The following NR1I2 variants were observed in gnomAD, a reference collection of about 807,000 sequenced individuals.
NR1I2 encodes orphan nuclear receptor PAR1.
Under a neutral mutation model 43.3 loss-of-function variants are expected in NR1I2, and 42 were observed. The observed-to-expected ratio is 0.97, with a 90% CI of 0.76 to 1.26. The LOEUF is 1.26. Ranked by LOEUF, NR1I2 falls within the 50% of genes most tolerant of loss-of-function variation. The pLI, the probability that NR1I2 is intolerant of heterozygous loss-of-function variation, is 0.00. For missense variants in NR1I2, 559 were observed against 566.7 expected, an observed-to-expected ratio of 0.99 and a Z score of 0.14; for synonymous variants, 229 against 215.0, an observed-to-expected ratio of 1.06 and a Z score of -0.57.
chr3:119,813,331 C>T (rs2055271494), intron 5 of NR1I2, among the ~76,000 whole-genome samples: 1 of 151,966 alleles, frequency 6.6e-6, no homozygotes, highest in Non-Finnish European at 1.5e-5. Flanking sequence ...GTTGACAGTT[C>T]CAGAGCAAGG....
intron 5 of NR1I2, 33 bp from the exon 6 acceptor site, chr3:119,814,946 G>A: frequency 1.9e-6 from 3 of 1,613,688 alleles, no homozygotes; most frequent in Non-Finnish European, 2.5e-6. Context: ...GCCTCCCAGG[G>A]AGCTGTCCTC....
Position 119,807,568 on chromosome 3 carries a change from C to T in NR1I2, c.197+121C>T, listed in dbSNP as rs1019350764. ...GTGGGCTGGTGGCCCACCCAAAGGCCTTGTAATTAGTCTCAAGGGAGCCAT... is the reference window on the plus strand; with the variant it reads ...GTGGGCTGGTGGCCCACCCAAAGGCTTTGTAATTAGTCTCAAGGGAGCCAT... On this transcript the variant is annotated intron_variant, in intron 2 of 8. Transcript: ENST00000393716. The T allele has an allele frequency of 1.0e-5, 8 of 802,542 alleles. No homozygotes were observed. The African/African-American group carries it at 1.4e-4, about 14-fold the overall frequency. 49.7% of individuals were successfully genotyped at this position (802,542 alleles called of 1,614,324 possible). A position where few individuals can be genotyped will look rare whatever the true frequency, so the allele number is the denominator to read the frequency against.
intron 1 of NR1I2, among the ~76,000 whole-genome samples, chr3:119,797,190 G>GTGTGTGTGTA (rs2055013170): frequency 6.7e-6 from 1 of 149,434 alleles, no homozygotes; most frequent in Non-Finnish European, 1.5e-5. Context: ...AAAGATATGT[G>GTGTGTGTGTA]TGTGTGTGTG....
At position 119,785,438 on chromosome 3, in the gene NR1I2, C is replaced by T. The variant is rs188806002; in HGVS notation, c.-23+3138C>T. Among the ~76,000 whole-genome samples, 8 of 152,316 alleles carry T rather than the reference C, an allele frequency of 5.3e-5. No homozygotes were observed. The East Asian group carries it at 1.5e-3, about 29-fold the overall frequency. ...ATCCTGACCCAAACTTACTTGATTG[C>T]AGGCCTGTTGTTAAGAATTTCAAAG... On this transcript the variant is annotated intron_variant, in intron 1 of 8. Transcript: ENST00000393716.
chr3:119,799,187 T>C (rs985276578), intron 1 of NR1I2, among the ~76,000 whole-genome samples: 2 of 152,242 alleles, frequency 1.3e-5, no homozygotes, highest in Admixed American at 6.5e-5. Context: ...TTTCTCCACA[T>C]TATTGCCGAT....
intron 1 of NR1I2, chr3:119,792,612 A>C: frequency 1.6e-6 from 1 of 619,930 alleles, no homozygotes; most frequent in African/African-American, 1.8e-5. Context: ...GTGATTCTTA[A>C]CACTGCCTTC....
chr3:119,811,446 C>A (rs1187179644), intron 3 of NR1I2, 93 bp from the exon 4 acceptor site: 20 of 1,276,706 alleles, frequency 1.6e-5, no homozygotes, highest in Non-Finnish European at 2.0e-5. Context: ...CTAACGGCTT[C>A]TGCTGCCTTG....
chr3:119,804,218 CA>C (rs1255375140), intron 1 of NR1I2, among the ~76,000 whole-genome samples: 7 of 149,682 alleles, frequency 4.7e-5, no homozygotes, highest in African/African-American at 1.7e-4. Flanking sequence ...AAAAAAAATA[CA>C]AAAAAATTAG....
At chr3:119,792,226 C>T in intron 1 of NR1I2, 3 of 1,529,670 alleles carry the variant, frequency 2.0e-6, no homozygotes, top group Admixed American at 1.7e-5. Flanking sequence ...CGCTTTGATG[C>T]TGGAGAACTA....
rs77485104 is a variant in NR1I2 at position 119,813,953 on chromosome 3, T to C, written c.794+993T>C. Among the ~76,000 whole-genome samples, 20 of 152,234 alleles carry C rather than the reference T, an allele frequency of 1.3e-4. No homozygotes were observed. The East Asian group carries it at 3.1e-3, about 24-fold the overall frequency. On this transcript the variant is annotated intron_variant, in intron 5 of 8. Coordinates refer to ENST00000393716, the MANE Select transcript of NR1I2 (RefSeq NM_003889.4). ...CTTCATTCTCAGATAGAAACTGAAGTTCCCCAAGGATAAGAAACTTGTACA... is the reference window on the plus strand; with the variant it reads ...CTTCATTCTCAGATAGAAACTGAAGCTCCCCAAGGATAAGAAACTTGTACA...
Position 119,818,269 on chromosome 3 carries a change from G to A in NR1I2, c.*1057G>A, listed in dbSNP as rs1285826665. ...CACACCGGAGAAGAACCATTTACAT[G>A]CACCTTATATTTCTGTGTACACATC... is the stretch of plus-strand genomic sequence containing the variant. On this transcript the variant is annotated 3_prime_UTR_variant, in exon 9 of 9. Coordinates refer to ENST00000393716, the MANE Select transcript of NR1I2 (RefSeq NM_003889.4). 1 of 985,530 alleles carries A rather than the reference G, an allele frequency of 1.0e-6. No individual in the cohort carries two copies. The highest frequency in any genetic ancestry group is 1.1e-4 in the East Asian group (1 of 8,820). 61.0% of individuals were successfully genotyped at this position (985,530 alleles called of 1,614,324 possible).
chr3:119,811,753 G>A (rs747350343), intron 4 of NR1I2, 27 bp downstream of exon 4: 4 of 1,572,700 alleles, frequency 2.5e-6, no homozygotes, highest in South Asian at 1.2e-5. Context: ...AGTGACCCGA[G>A]GTGTCACTGC....
At chr3:119,792,918 G>A (rs1000743148) in intron 1 of NR1I2, among the ~76,000 whole-genome samples, 7 of 152,072 alleles carry the variant, frequency 4.6e-5, no homozygotes, top group Non-Finnish European at 2.9e-5. Context: ...GGCCTCCAAT[G>A]TTGGAGGTAG....
At chr3:119,799,375 G>A (rs1047601251) in intron 1 of NR1I2, among the ~76,000 whole-genome samples, 2 of 151,856 alleles carry the variant, frequency 1.3e-5, no homozygotes, top group East Asian at 3.9e-4. Context: ...TTTTAAATTG[G>A]GTTATTTGTA....
chr3:119,785,033 G>C (rs149609813), intron 1 of NR1I2, among the ~76,000 whole-genome samples: 58 of 152,268 alleles, frequency 3.8e-4, no homozygotes, highest in Non-Finnish European at 4.6e-4. Flanking sequence ...TAAGAGTTTT[G>C]CTCCTTCCTT....
At chr3:119,815,503 T>C in intron 7 of NR1I2, 64 bp downstream of exon 7, 3 of 1,369,270 alleles carry the variant, frequency 2.2e-6, no homozygotes, top group East Asian at 2.3e-5. Flanking sequence ...CCAGGGAAGG[T>C]CCCAGTCTAT....
chr3:119,805,548 C>T (rs535401146), intron 1 of NR1I2, among the ~76,000 whole-genome samples: 48 of 152,014 alleles, frequency 3.2e-4, no homozygotes, highest in Non-Finnish European at 5.9e-4. Context: ...ACTGAAAATA[C>T]AAAAATTAGC....
intron 1 of NR1I2, among the ~76,000 whole-genome samples, chr3:119,788,282 T>G (rs909780106): frequency 3.3e-5 from 5 of 151,458 alleles, no homozygotes; most frequent in African/African-American, 1.2e-4. Flanking sequence ...CCCAGACACT[T>G]TTAAAATTTA....
intron 1 of NR1I2, among the ~76,000 whole-genome samples, chr3:119,794,676 G>T (rs1254382729): frequency 6.6e-6 from 1 of 152,124 alleles, no homozygotes; most frequent in Non-Finnish European, 1.5e-5. Context: ...CATGGTTCAT[G>T]CCTGTAATCC....
Sources: allele counts gnomAD v4.1 joint callset (sites outside exome capture counted in the v4.1 genomes callset), GRCh38; gene constraint gnomAD v4.1.1; transcripts MANE v1.5; gene names NCBI Gene and HGNC (gene_info 2026-07-23, HGNC 2026-07-21).